Variants in SORCS1 observed in about 807,000 individuals in gnomAD.
SORCS1 encodes sortilin related VPS10 domain containing receptor 1, also known as VPS10 domain-containing receptor SorCS1.
In SORCS1, 60 loss-of-function variants were observed where a neutral mutation model predicts 146.1. That is an observed-to-expected ratio of 0.41 (90% CI 0.33 to 0.51). The LOEUF is 0.51. Ranked by LOEUF, SORCS1 falls within the 20% of genes least tolerant of loss-of-function variation. The probability of loss-of-function intolerance (pLI) is 0.21; values close to 1 mark genes in which losing one functional copy is unlikely to be tolerated. For missense variants in SORCS1, 1,352 were observed against 1,487.6 expected (o/e 0.91, Z 1.50); for synonymous variants, 637 against 584.0 (o/e 1.09, Z -1.31).
intron 1 of SORCS1, among the ~76,000 whole-genome samples, chr10:107,100,220 A>G (rs1271172673): frequency 6.6e-6 from 1 of 152,236 alleles, no homozygotes; most frequent in Non-Finnish European, 1.5e-5. Flanking sequence ...CGTAATAAGA[A>G]ATAAGTAAAT....
chr10:106,787,672 T>A (rs1946118033), intron 3 of SORCS1, among the ~76,000 whole-genome samples: 1 of 152,190 alleles, frequency 6.6e-6, no homozygotes, highest in Non-Finnish European at 1.5e-5. Context: ...AACAAAAATG[T>A]TGCCTTCTTT....
At chr10:107,177,552 A>G in the SORCS1 span, among the ~76,000 whole-genome samples, 3 of 152,366 alleles carry the variant, frequency 2.0e-5, no homozygotes, top group East Asian at 3.8e-4. Context: ...CATTATAGTT[A>G]AAAATAATGT....
chr10:106,876,217 C>T (rs953530544), intron 2 of SORCS1, among the ~76,000 whole-genome samples: 17 of 152,140 alleles, frequency 1.1e-4, no homozygotes, highest in Admixed American at 2.0e-4. Flanking sequence ...ATTGAGGGCG[C>T]GGTTTTTATA....
intron 2 of SORCS1, among the ~76,000 whole-genome samples, chr10:106,842,088 G>C (rs1048312693): frequency 1.3e-5 from 2 of 152,078 alleles, no homozygotes; most frequent in African/African-American, 4.8e-5. Flanking sequence ...TGGGCATTTG[G>C]TGTTCTCAGT....
chr10:106,648,163 T>C (rs1234900166), intron 18 of SORCS1, among the ~76,000 whole-genome samples: 9 of 152,138 alleles, frequency 5.9e-5, no homozygotes, highest in Admixed American at 5.9e-4. Flanking sequence ...ATCTACCATT[T>C]TAGTATTTGT....
At chr10:106,743,790 G>C (rs2136124327) in intron 5 of SORCS1, among the ~76,000 whole-genome samples, 1 of 152,204 alleles carries the variant, frequency 6.6e-6, no homozygotes, top group Admixed American at 6.5e-5. Context: ...ACTGCAAAAG[G>C]AGTATGTATT....
intron 2 of SORCS1, among the ~76,000 whole-genome samples, chr10:106,839,357 TAGA>T (rs1304313364): frequency 1.3e-5 from 2 of 152,302 alleles, no homozygotes; most frequent in East Asian, 1.9e-4. Context: ...GTGGTCTGGC[TAGA>T]AGATCAAACC....
intron 1 of SORCS1, among the ~76,000 whole-genome samples, chr10:106,995,524 G>A (rs1956955074): frequency 6.6e-6 from 1 of 152,134 alleles, no homozygotes; most frequent in African/African-American, 2.4e-5. Context: ...AAGTTGGGAA[G>A]GTATGGGGAA....
chr10:106,948,215 A>AT (rs1954464646), intron 2 of SORCS1, among the ~76,000 whole-genome samples: 1 of 152,198 alleles, frequency 6.6e-6, no homozygotes, highest in Non-Finnish European at 1.5e-5. Flanking sequence ...GAGAAAAAAA[A>AT]CAATAACTCA....
At chr10:106,605,428 G>GA (rs1846509350) in intron 23 of SORCS1, among the ~76,000 whole-genome samples, 1 of 151,904 alleles carries the variant, frequency 6.6e-6, no homozygotes, top group East Asian at 1.9e-4. Flanking sequence ...TGGTAACTAG[G>GA]AAAAAAAGGT....
intron 5 of SORCS1, 86 bp downstream of exon 5, chr10:106,761,502 G>A (rs760773612): frequency 3.3e-5 from 39 of 1,168,758 alleles, no homozygotes; most frequent in Non-Finnish European, 4.9e-5. Context: ...GAGAGCACTG[G>A]TGAGAACAAG....
At chr10:106,586,986 C>T (rs1270341895) in intron 24 of SORCS1, among the ~76,000 whole-genome samples, 5 of 152,066 alleles carry the variant, frequency 3.3e-5, no homozygotes, top group African/African-American at 1.2e-4. Context: ...CTCATTGCTG[C>T]ACGCTGGTAG....
At chr10:106,986,995 A>G (rs1191831668) in intron 1 of SORCS1, among the ~76,000 whole-genome samples, 2 of 152,114 alleles carry the variant, frequency 1.3e-5, no homozygotes, top group Admixed American at 6.5e-5. Context: ...AATGGGTAAC[A>G]TTTTCCACTT....
chr10:107,077,794 T>G (rs1963010567), intron 1 of SORCS1, among the ~76,000 whole-genome samples: 1 of 151,960 alleles, frequency 6.6e-6, no homozygotes, highest in African/African-American at 2.4e-5. Context: ...GAAAATCTAC[T>G]CTAAATATAC....
At chr10:106,636,557 T>G (rs1045719380) in intron 18 of SORCS1, among the ~76,000 whole-genome samples, 1 of 152,138 alleles carries the variant, frequency 6.6e-6, no homozygotes, top group Non-Finnish European at 1.5e-5. Flanking sequence ...AGGCACGTCT[T>G]GTAGGAGGAA....
At chr10:106,747,754 T>C (rs1008657039) in intron 5 of SORCS1, among the ~76,000 whole-genome samples, 3 of 152,128 alleles carry the variant, frequency 2.0e-5, no homozygotes, top group African/African-American at 7.2e-5. Context: ...GTGACTACAG[T>C]TAACAATAAT....
intron 1 of SORCS1, among the ~76,000 whole-genome samples, chr10:107,055,955 G>A (rs986639147): frequency 6.6e-6 from 1 of 152,168 alleles, no homozygotes; most frequent in Non-Finnish European, 1.5e-5. Context: ...TTGAGAGATT[G>A]CCCTTCTTTA....
chr10:107,064,596 A>C (rs957926065), intron 1 of SORCS1, among the ~76,000 whole-genome samples: 4 of 152,198 alleles, frequency 2.6e-5, no homozygotes, highest in Middle Eastern at 3.2e-3. Context: ...AGTTTTATTC[A>C]TACTTAATCC....
chr10:106,841,252 T>C (rs1949026736), intron 2 of SORCS1, among the ~76,000 whole-genome samples: 1 of 152,174 alleles, frequency 6.6e-6, no homozygotes, highest in African/African-American at 2.4e-5. Flanking sequence ...GGCAGATCAC[T>C]TGAGGTCAGG....
Sources: allele counts gnomAD v4.1 joint callset (sites outside exome capture counted in the v4.1 genomes callset), GRCh38; gene constraint gnomAD v4.1.1; transcripts MANE v1.5; gene names NCBI Gene and HGNC (gene_info 2026-07-23, HGNC 2026-07-21).